Variants in RIMS3 observed in about 807,000 individuals in gnomAD.
The protein encoded by RIMS3 is regulating synaptic membrane exocytosis protein 3.
A neutral mutation model predicts 29.2 loss-of-function variants in RIMS3; 15 were observed. The observed-to-expected ratio is 0.51, with a 90% CI of 0.34 to 0.79. RIMS3 has a LOEUF of 0.79. RIMS3 is among the 30% of genes least tolerant of loss of function. RIMS3 has a pLI of 0.01. For missense variants in RIMS3, 342 were observed against 421.4 expected, an observed-to-expected ratio of 0.81 and a Z score of 1.65; for synonymous variants, 161 against 170.1, an observed-to-expected ratio of 0.95 and a Z score of 0.41.
intron 1 of RIMS3, among the ~76,000 whole-genome samples, chr1:40,660,552 AT>A (rs1042071955): frequency 6.6e-6 from 1 of 150,852 alleles, no homozygotes; most frequent in Admixed American, 6.6e-5. Flanking sequence ...TAATTTTTGT[AT>A]TTTTTTTGTA....
At chr1:40,630,417 G>A (rs762431828) in intron 5 of RIMS3, among the ~76,000 whole-genome samples, 2 of 152,110 alleles carry the variant, frequency 1.3e-5, no homozygotes, top group African/African-American at 2.4e-5. Flanking sequence ...CTTTTACAGG[G>A]GTGCAGAATC....
rs1171616314 is a variant in RIMS3 at position 40,626,105 on chromosome 1, G to A, written c.*412C>T. 3.9e-6 allele frequency: 1 copy of A among 253,772 alleles called. No individual in the cohort carries two copies. The highest frequency in any genetic ancestry group is 2.2e-5 in the African/African-American group (1 of 45,338). The allele number at this position is 253,772 out of a possible 1,614,324, so 15.7% of individuals were successfully genotyped here. A position where few individuals can be genotyped will look rare whatever the true frequency, so the allele number is the denominator to read the frequency against. On this transcript the variant is annotated 3_prime_UTR_variant, in exon 8 of 8. Transcript: ENST00000372684. ...ACCACCAGGAGCAGGCACAGGTGAAGAACACACAGGCTCTGCCCCAGGCCA... is the reference window on the plus strand; with the variant it reads ...ACCACCAGGAGCAGGCACAGGTGAAAAACACACAGGCTCTGCCCCAGGCCA...
chr1:40,678,513 T>G, the RIMS3 span, among the ~76,000 whole-genome samples: 1 of 152,208 alleles, frequency 6.6e-6, no homozygotes, highest in African/African-American at 2.4e-5. Flanking sequence ...GTTTTGGGCC[T>G]CCTTGCCAAC....
intron 5 of RIMS3, among the ~76,000 whole-genome samples, chr1:40,632,521 C>T (rs550055351): frequency 1.1e-4 from 15 of 142,688 alleles, no homozygotes; most frequent in African/African-American, 3.1e-4. Context: ...AATGACTGTA[C>T]TTATAATACC....
the RIMS3 span, among the ~76,000 whole-genome samples, chr1:40,680,163 CCAA>C: frequency 2.0e-5 from 3 of 151,710 alleles, no homozygotes; most frequent in African/African-American, 7.3e-5. Flanking sequence ...AAACAAAAAA[CCAA>C]CAACAAAAAC....
At chr1:40,682,741 C>CTTTTTT in the RIMS3 span, among the ~76,000 whole-genome samples, 2,613 of 77,348 alleles carry the variant, frequency 0.034, 526 homozygotes, top group Middle Eastern at 0.068. Flanking sequence ...CTTTGCAGAT[C>CTTTTTT]TTTTTTTTTT....
chr1:40,659,127 G>A (rs968370908), intron 1 of RIMS3, among the ~76,000 whole-genome samples: 1 of 152,150 alleles, frequency 6.6e-6, no homozygotes, highest in Non-Finnish European at 1.5e-5. Flanking sequence ...GGTAGCAGCT[G>A]AGCCGATTTT....
At chr1:40,649,661 G>A (rs1418939608) in intron 1 of RIMS3, among the ~76,000 whole-genome samples, 4 of 152,178 alleles carry the variant, frequency 2.6e-5, no homozygotes, top group East Asian at 1.9e-4. Context: ...CCCCATCCTC[G>A]CCAGACCGGA....
rs1032794858 is a variant in RIMS3 at position 40,625,052 on chromosome 1, G to A, written c.*1465C>T. ...TCTCGCCTTTCACCCTAGAGCTGAG[G>A]AGGGACAGGGACAGGTCTGGGCATT... On this transcript the variant is annotated 3_prime_UTR_variant, in exon 8 of 8. Coordinates refer to ENST00000372684, the MANE Select transcript of RIMS3 (RefSeq NM_014747.3). 6.6e-6 allele frequency: 1 copy of A among 152,454 alleles called. No homozygotes were observed. The highest frequency in any genetic ancestry group is 2.1e-4 in the South Asian group (1 of 4,828). The allele number at this position is 152,454 out of a possible 1,614,324, so 9.4% of individuals were successfully genotyped here. A position where few individuals can be genotyped will look rare whatever the true frequency, so the allele number is the denominator to read the frequency against.
At chr1:40,660,725 T>C (rs1311433271) in intron 1 of RIMS3, among the ~76,000 whole-genome samples, 1 of 151,662 alleles carries the variant, frequency 6.6e-6, no homozygotes, top group Non-Finnish European at 1.5e-5. Flanking sequence ...GAAGAGATCA[T>C]TAAAATCAAG....
chr1:40,670,090 T>C (rs935075766), upstream of RIMS3, among the ~76,000 whole-genome samples: 1 of 152,140 alleles, frequency 6.6e-6, no homozygotes, highest in Non-Finnish European at 1.5e-5. Flanking sequence ...CTTCAAACTT[T>C]TACACAAGAG....
At chr1:40,650,868 A>AAAAAC (rs1646627953) in intron 1 of RIMS3, among the ~76,000 whole-genome samples, 3 of 75,426 alleles carry the variant, frequency 4.0e-5, no homozygotes, top group African/African-American at 1.2e-4. Flanking sequence ...TCTGTCAAAA[A>AAAAAC]AAAAAAAAAA....
At chr1:40,691,830 G>A in the RIMS3 span, 176 of 435,568 alleles carry the variant, frequency 4.0e-4, no homozygotes, top group African/African-American at 3.5e-3. Flanking sequence ...GTAGGAGCGC[G>A]GGGGCGGCTC....
Position 40,626,427 on chromosome 1 carries a change from C to A in RIMS3, c.*90G>T. 8.1e-7 allele frequency: 1 copy of A among 1,232,940 alleles called. No homozygotes were observed. Among genetic ancestry groups the A allele is most frequent in the Non-Finnish European group, 1.2e-6 (1 of 862,836 alleles). 76.4% of individuals were successfully genotyped at this position (1,232,940 alleles called of 1,614,324 possible). ...CAGGCATGCAGCAGGACAAGGGGTC[C>A]AGAAAGACACGAAGACTATGTACAG... On this transcript the variant is annotated 3_prime_UTR_variant, in exon 8 of 8. Coordinates refer to ENST00000372684, the MANE Select transcript of RIMS3 (RefSeq NM_014747.3).
the RIMS3 span, among the ~76,000 whole-genome samples, chr1:40,682,615 T>A: frequency 6.6e-6 from 1 of 152,160 alleles, no homozygotes; most frequent in South Asian, 2.1e-4. Flanking sequence ...ATTTAGCAGA[T>A]GTACAAAAGG....
At position 40,626,363 on chromosome 1, in the gene RIMS3, A is replaced by T; in HGVS notation, c.*154T>A. On this transcript the variant is annotated 3_prime_UTR_variant, in exon 8 of 8. Coordinates refer to ENST00000372684, the MANE Select transcript of RIMS3 (RefSeq NM_014747.3). ...ACACGCACGCACACACGCACACACT[A>T]CAGTCTCCACTGCCAGCTGGGATGA... The T allele has an allele frequency of 1.4e-6, 1 of 718,694 alleles. No individual in the cohort carries two copies. Among genetic ancestry groups the T allele is most frequent in the Non-Finnish European group, 2.5e-6 (1 of 407,674 alleles). 44.5% of individuals were successfully genotyped at this position (718,694 alleles called of 1,614,324 possible). A position where few individuals can be genotyped will look rare whatever the true frequency, so the allele number is the denominator to read the frequency against.
At chr1:40,663,691 A>G (rs1017098827) in intron 1 of RIMS3, among the ~76,000 whole-genome samples, 2 of 152,102 alleles carry the variant, frequency 1.3e-5, no homozygotes, top group Admixed American at 1.3e-4. Flanking sequence ...AAGTCCAGAG[A>G]CCAGAAGCGT....
upstream of RIMS3, chr1:40,669,318 T>A (rs1236544383): frequency 6.6e-6 from 1 of 152,328 alleles, no homozygotes; most frequent in African/African-American, 2.4e-5. Flanking sequence ...GACTTGTCTT[T>A]CTAAGTGGTG....
In RIMS3 at chr1:40,623,938, C is replaced by T. The variant is rs1557660397; in HGVS notation, c.*2579G>A. 2 of 161,622 alleles carry T rather than the reference C, an allele frequency of 1.2e-5. No homozygotes were observed. Among genetic ancestry groups the T allele is most frequent in the Non-Finnish European group, 1.3e-5 (1 of 74,558 alleles). 10.0% of individuals were successfully genotyped at this position (161,622 alleles called of 1,614,324 possible). ...GGTTAAAAGAATAATTCCCCAAGGT[C>T]AATTTGGGGAGGAAATTACCTTCTT... On this transcript the variant is annotated 3_prime_UTR_variant, in exon 8 of 8. Coordinates refer to ENST00000372684, the MANE Select transcript of RIMS3 (RefSeq NM_014747.3).
Sources: allele counts gnomAD v4.1 joint callset (sites outside exome capture counted in the v4.1 genomes callset), GRCh38; gene constraint gnomAD v4.1.1; transcripts MANE v1.5; gene names NCBI Gene and HGNC (gene_info 2026-07-23, HGNC 2026-07-21).